The following WDPCP variants were observed in gnomAD, a reference collection of about 807,000 sequenced individuals.
WDPCP encodes WD repeat containing planar cell polarity effector.
In WDPCP, 71 loss-of-function variants were observed where a neutral mutation model predicts 93.1. That is an observed-to-expected ratio of 0.76 (90% CI 0.63 to 0.93). The LOEUF (loss-of-function observed/expected upper bound fraction) is 0.93. Among genes scored for constraint, WDPCP ranks in the 40% least tolerant of loss-of-function variants. WDPCP has a pLI of 0.00. For missense variants in WDPCP, 844 were observed against 887.4 expected, an observed-to-expected ratio of 0.95 and a Z score of 0.62; for synonymous variants, 315 against 315.0, an observed-to-expected ratio of 1.00 and a Z score of 0.00.
chr2:63,167,968 T>C (rs1673108208), intron 15 of WDPCP, among the ~76,000 whole-genome samples: 1 of 151,886 alleles, frequency 6.6e-6, no homozygotes, highest in Admixed American at 6.6e-5. Flanking sequence ...TACAAAAAAT[T>C]AGCTGCATGT....
At chr2:63,191,873 A>G (rs1675071336) in intron 14 of WDPCP, among the ~76,000 whole-genome samples, 1 of 152,180 alleles carries the variant, frequency 6.6e-6, no homozygotes, top group Non-Finnish European at 1.5e-5. Context: ...GTCCAAATAA[A>G]GTTTTATTGG....
At chr2:63,738,766 T>C (rs1278686879) in intron 2 of WDPCP, among the ~76,000 whole-genome samples, 2 of 152,142 alleles carry the variant, frequency 1.3e-5, no homozygotes, top group African/African-American at 4.8e-5. Flanking sequence ...CAGAATAGTA[T>C]ATACATCATA....
chr2:63,754,761 T>C (rs1263024132), intron 2 of WDPCP, among the ~76,000 whole-genome samples: 1 of 152,080 alleles, frequency 6.6e-6, no homozygotes, highest in East Asian at 1.9e-4. Context: ...CTCTCATGAG[T>C]ATTGCCATCC....
At chr2:63,331,651 T>A (rs1687986578) in intron 12 of WDPCP, among the ~76,000 whole-genome samples, 1 of 152,220 alleles carries the variant, frequency 6.6e-6, no homozygotes. Flanking sequence ...AAAGTTTCCA[T>A]GTGCTATTTT....
At chr2:63,325,374 C>G (rs1053082628) in intron 12 of WDPCP, among the ~76,000 whole-genome samples, 1 of 152,218 alleles carries the variant, frequency 6.6e-6, no homozygotes, top group Non-Finnish European at 1.5e-5. Flanking sequence ...TGCAATGGTT[C>G]TCTGGGCCAG....
intron 2 of WDPCP, among the ~76,000 whole-genome samples, chr2:63,716,162 G>GA (rs1669334548): frequency 1.3e-5 from 2 of 152,138 alleles, no homozygotes; most frequent in Non-Finnish European, 2.9e-5. Context: ...AGCTCTGAAG[G>GA]GACAGTCCAC....
At chr2:63,361,725 T>C (rs1690468613) in intron 12 of WDPCP, among the ~76,000 whole-genome samples, 1 of 152,148 alleles carries the variant, frequency 6.6e-6, no homozygotes, top group Non-Finnish European at 1.5e-5. Context: ...TTGTTTTCTT[T>C]ATTTGGTTTT....
intron 13 of WDPCP, among the ~76,000 whole-genome samples, chr2:63,304,914 C>T (rs1174025446): frequency 3.3e-5 from 5 of 152,026 alleles, no homozygotes; most frequent in African/African-American, 7.2e-5. Context: ...GTGGGGAGAG[C>T]GGCATCCACC....
intron 3 of WDPCP, chr2:63,607,228 T>C: frequency 3.8e-6 from 1 of 260,528 alleles, no homozygotes; most frequent in Non-Finnish European, 7.3e-6. Flanking sequence ...AGCTAATATT[T>C]AGTGTCTATT....
chr2:63,502,231 T>C (rs1023116688), intron 1 of WDPCP, among the ~76,000 whole-genome samples: 54 of 152,340 alleles, frequency 3.5e-4, no homozygotes, highest in African/African-American at 1.3e-3. Flanking sequence ...CATAAACAGA[T>C]AGATCTACCT....
chr2:63,174,642 G>C, intron 15 of WDPCP, 28 bp downstream of exon 15: 1 of 1,612,850 alleles, frequency 6.2e-7, no homozygotes, highest in Non-Finnish European at 8.5e-7. Context: ...ACTTTATGGA[G>C]CAATTTCCTC....
chr2:63,321,444 T>A (rs1687082490), intron 12 of WDPCP, among the ~76,000 whole-genome samples: 2 of 151,636 alleles, frequency 1.3e-5, no homozygotes, highest in Non-Finnish European at 2.9e-5. Context: ...ACATGAGAGC[T>A]CCTTATTGTT....
intron 1 of WDPCP, among the ~76,000 whole-genome samples, chr2:63,531,923 G>A (rs1281861531): frequency 6.6e-6 from 1 of 152,226 alleles, no homozygotes; most frequent in African/African-American, 2.4e-5. Context: ...CGAGCTAAAG[G>A]AGGATGTTCG....
chr2:63,579,669 C>T (rs146046410), intron 1 of WDPCP, among the ~76,000 whole-genome samples: 1 of 151,862 alleles, frequency 6.6e-6, no homozygotes, highest in Non-Finnish European at 1.5e-5. Context: ...AAAACAAAGC[C>T]TTTCGTACTG....
chr2:63,704,159 C>A lies in WDPCP; in HGVS notation n.309-53321G>T, dbSNP rs183576953. Among the ~76,000 whole-genome samples, 678 of 152,144 alleles carry A rather than the reference C, an allele frequency of 4.5e-3. 3 individuals carry two copies. Among genetic ancestry groups the A allele is most frequent in the African/African-American group, 0.014 (599 of 41,468 alleles). On this transcript the variant is annotated intron_variant and non_coding_transcript_variant, in intron 2 of 4. Coordinates refer to the WDPCP transcript ENST00000467687. ...TTTTGCACATTGATTTTGTATCCTG[C>A]GACTTTGCTGAAGTTGCTTATCAGC... is the stretch of plus-strand genomic sequence containing the variant.
At chr2:63,588,727 T>G (rs952307442), upstream of WDPCP, 33 of 477,372 alleles carry the variant, frequency 6.9e-5, no homozygotes, top group Non-Finnish European at 1.2e-4. Context: ...GCCCAAACCA[T>G]CCGTTTGTTG....
chr2:63,133,547 C>T (rs1468315832), intron 17 of WDPCP, among the ~76,000 whole-genome samples: 1 of 152,024 alleles, frequency 6.6e-6, no homozygotes, highest in African/African-American at 2.4e-5. Context: ...ATCATGGGGG[C>T]AGTTTTCCCC....
chr2:63,470,482 C>T (rs900352441), intron 6 of WDPCP, among the ~76,000 whole-genome samples: 7 of 152,126 alleles, frequency 4.6e-5, no homozygotes, highest in African/African-American at 1.4e-4. Context: ...TTTGATCCAT[C>T]GGCAAATTCT....
chr2:63,602,757 A>AT (rs2106622802), intron 3 of WDPCP, among the ~76,000 whole-genome samples: 1 of 152,064 alleles, frequency 6.6e-6, no homozygotes, highest in East Asian at 1.9e-4. Context: ...CATTTTGAGA[A>AT]TTTACAAAAG....
Sources: gnomAD v4.1 joint callset for allele counts (sites outside exome capture counted in the v4.1 genomes callset) on GRCh38, gnomAD v4.1.1 for gene constraint, MANE v1.5 for transcripts, NCBI Gene and HGNC (gene_info 2026-07-23, HGNC 2026-07-21) for gene names.